The following TNS1 variants were observed in gnomAD, a reference collection of about 807,000 sequenced individuals.
TNS1 encodes the protein tensin 1.
TNS1 carries 62 observed loss-of-function variants against 168.6 expected under a neutral mutation model. The observed-to-expected ratio is 0.37, with a 90% confidence interval of 0.30 to 0.45. TNS1 has a LOEUF of 0.45. TNS1 is among the 20% of genes least tolerant of loss of function. The pLI is 1.00. For synonymous variants in TNS1, 934 were observed against 933.2 expected, an observed-to-expected ratio of 1.00 and a Z score of -0.02; for missense variants, 2,240 against 2,339.4, an observed-to-expected ratio of 0.96 and a Z score of 0.88.
intron 3 of TNS1, among the ~76,000 whole-genome samples, chr2:217,954,018 G>A (rs1175254962): frequency 6.6e-6 from 1 of 152,216 alleles, no homozygotes; most frequent in African/African-American, 2.4e-5. Flanking sequence ...GGGCCAGAAG[G>A]GGAGACACTG....
intron 18 of TNS1, among the ~76,000 whole-genome samples, chr2:217,871,816 T>C (rs79371804): frequency 6.6e-6 from 1 of 152,270 alleles, no homozygotes; most frequent in African/African-American, 2.4e-5. Flanking sequence ...GCAGAACTCA[T>C]GGGCTTTTTC....
chr2:217,836,295 G>T, intron 19 of TNS1, 84 bp from the exon 20 acceptor site: 1 of 1,353,588 alleles, frequency 7.4e-7, no homozygotes. Context: ...AGAGAAGGCA[G>T]TGCCTCCTAG....
At chr2:218,031,121 C>G (rs1181062080) in intron 1 of TNS1, among the ~76,000 whole-genome samples, 2 of 91,780 alleles carry the variant, frequency 2.2e-5, no homozygotes, top group African/African-American at 1.5e-4. Context: ...TGTGTGTGAG[C>G]ATGTCTGTGT....
Position 217,802,698 on chromosome 2 carries a change from A to G in TNS1, c.*1761T>C, listed in dbSNP as rs1053459549. The G allele has an allele frequency of 5.9e-5, 9 of 152,662 alleles. No individual in the cohort carries two copies. Among genetic ancestry groups the G allele is most frequent in the Non-Finnish European group, 1.3e-4 (9 of 68,038 alleles). 9.5% of individuals were successfully genotyped at this position (152,662 alleles called of 1,614,324 possible). On this transcript the variant is annotated 3_prime_UTR_variant, in exon 33 of 33. Transcript: ENST00000682258. ...TCAGGCTTTACTTACACATATAAAA[A>G]AGGATAGGAATTGGTTTATCCCCAA...
intron 18 of TNS1, among the ~76,000 whole-genome samples, chr2:217,876,079 C>T (rs1950178762): frequency 1.3e-5 from 2 of 152,196 alleles, no homozygotes; most frequent in African/African-American, 4.8e-5. Flanking sequence ...CCCATCCTCT[C>T]TGTTGAGTCA....
intron 8 of TNS1, among the ~76,000 whole-genome samples, chr2:217,895,421 C>A (rs1008941065): frequency 3.5e-4 from 53 of 152,262 alleles, no homozygotes; most frequent in Non-Finnish European, 6.2e-4. Context: ...CTCAGCCACC[C>A]TGTTCCGTGA....
At chr2:217,923,594 C>T (rs186382295) in intron 3 of TNS1, among the ~76,000 whole-genome samples, 58 of 152,282 alleles carry the variant, frequency 3.8e-4, no homozygotes, top group Non-Finnish European at 2.1e-4. Context: ...TAGAAACACA[C>T]ACATCCACGG....
rs1958457034 is a variant in TNS1 at position 217,995,706 on chromosome 2, G to A, written c.34-4650C>T. 6.6e-6 allele frequency among the ~76,000 whole-genome samples: 1 copy of A among 152,098 alleles called. No individual in the cohort carries two copies. Among genetic ancestry groups the A allele is most frequent in the Non-Finnish European group, 1.5e-5 (1 of 68,022 alleles). ...CTGGCTGCAAAGGAACCTACTTAGG[G>A]AAAACTCAGGGGCAAAAGGAGACAC... On this transcript the variant is annotated intron_variant, in intron 1 of 32. Coordinates refer to ENST00000682258, the MANE Select transcript of TNS1 (RefSeq NM_001387777.1). This position sits in a 1 kb window ranked among gnomAD's most constrained non-coding sequence, Gnocchi z 4.1.
At chr2:217,893,161 G>A in intron 10 of TNS1, 149 bp from the exon 11 acceptor site, 1 of 1,080,872 alleles carries the variant, frequency 9.3e-7, no homozygotes. Context: ...GGGCCTCAGG[G>A]GAGGGAGGCA....
intron 12 of TNS1, among the ~76,000 whole-genome samples, chr2:217,887,950 T>C (rs572125151): frequency 3.5e-4 from 54 of 152,298 alleles, no homozygotes; most frequent in African/African-American, 1.2e-3. Flanking sequence ...CAGGAGCCAA[T>C]AGTAGCTCTC....
At chr2:217,921,883 T>A (rs1955727603) in intron 3 of TNS1, among the ~76,000 whole-genome samples, 1 of 152,182 alleles carries the variant, frequency 6.6e-6, no homozygotes. Context: ...ACAGTTGCGG[T>A]GCGCGGGGCA....
intron 3 of TNS1, among the ~76,000 whole-genome samples, chr2:217,972,851 G>T (rs1957803070): frequency 1.3e-5 from 2 of 152,336 alleles, no homozygotes; most frequent in Non-Finnish European, 2.9e-5. Flanking sequence ...AGGGGAAACT[G>T]GGTGCTTGCC....
Position 217,886,120 on chromosome 2 carries a change from G to A in TNS1, c.980-16C>T. The A allele has an allele frequency of 6.2e-7, 1 of 1,613,910 alleles. No individual in the cohort carries two copies. The highest frequency in any genetic ancestry group is 8.5e-7 in the Non-Finnish European group (1 of 1,179,942). On this transcript the variant is annotated splice_polypyrimidine_tract_variant and intron_variant, in intron 13 of 32. Transcript: ENST00000682258. ...GGCCGACATCCTGTAAAAGTGGGGT[G>A]GGTGTTAGCTAAGACAGCAGAAACT...
upstream of TNS1, among the ~76,000 whole-genome samples, chr2:218,011,018 A>C (rs1000819801): frequency 1.3e-5 from 2 of 152,094 alleles, no homozygotes; most frequent in Non-Finnish European, 2.9e-5. Flanking sequence ...CGTTCAGCAC[A>C]TCCAAAGAGC....
At chr2:217,868,246 C>A (rs1949459884) in intron 18 of TNS1, among the ~76,000 whole-genome samples, 1 of 152,236 alleles carries the variant, frequency 6.6e-6, no homozygotes, top group Non-Finnish European at 1.5e-5. Context: ...TCATTCCCAC[C>A]CTCTTGCATG....
At chr2:218,022,934 G>A (rs971108139) in intron 1 of TNS1, among the ~76,000 whole-genome samples, 1 of 152,018 alleles carries the variant, frequency 6.6e-6, no homozygotes, top group Admixed American at 6.5e-5. Context: ...GGGCTTCCTC[G>A]CCCACCCTGA....
chr2:217,912,984 A>G (rs1954603256), intron 4 of TNS1, among the ~76,000 whole-genome samples: 1 of 152,154 alleles, frequency 6.6e-6, no homozygotes, highest in African/African-American at 2.4e-5. Context: ...GTGGCCGCTC[A>G]ATGTGAGATC....
rs1245493467 is a variant in TNS1, at chr2:217,922,872, A to T, written c.187-2636T>A. On this transcript the variant is annotated intron_variant, in intron 3 of 32. Transcript: ENST00000682258. Reference sequence around the variant, plus strand: ...CTCCATCCTCCGCCCACAGCCGTGCATTCCAGGCCCACTGGCCGGCCAGCC... The same window carrying T: ...CTCCATCCTCCGCCCACAGCCGTGCTTTCCAGGCCCACTGGCCGGCCAGCC... 8.5e-5 allele frequency among the ~76,000 whole-genome samples: 13 copies of T among 152,182 alleles called. No individual in the cohort carries two copies. In the East Asian group the frequency reaches 2.3e-3, roughly 27 times the overall value.
chr2:217,893,287 A>G, intron 10 of TNS1, 152 bp downstream of exon 10: 8 of 1,379,806 alleles, frequency 5.8e-6, no homozygotes, highest in Non-Finnish European at 7.6e-6. Context: ...TATCCCCTAG[A>G]AAGAAAAATA....
Sources: allele counts gnomAD v4.1 joint callset (sites outside exome capture counted in the v4.1 genomes callset), GRCh38; gene constraint gnomAD v4.1.1; non-coding constraint Gnocchi (gnomAD v3.1); transcripts MANE v1.5; gene names NCBI Gene and HGNC (gene_info 2026-07-23, HGNC 2026-07-21).